Variants in POMZP3 observed in about 807,000 individuals in gnomAD.
POMZP3 encodes the protein POM121 and ZP3 fusion protein.
In POMZP3, 10 loss-of-function variants were observed where a neutral mutation model predicts 19.8. The observed-to-expected ratio is 0.51, with a 90% CI of 0.31 to 0.86. The LOEUF (loss-of-function observed/expected upper bound fraction) is 0.86, where lower values mean the gene tolerates loss of function less well. Ranked by LOEUF, POMZP3 falls within the 40% of genes least tolerant of loss-of-function variation. POMZP3 has a pLI of 0.04. For missense variants in POMZP3, 152 were observed against 228.1 expected (o/e 0.67, Z 2.15); for synonymous variants, 57 against 85.8 (o/e 0.66, Z 1.85).
rs1381756523 is a variant in POMZP3, at chr7:76,610,188, C to CCCCA, written c.*38_*39insTGGG. ...CCTCCTGTCCAGGAAGATCAGTGGC[C>CCCCA]CCACGGTGACATCTGCTTCTTCTGT... On this transcript the variant is annotated 3_prime_UTR_variant, in exon 7 of 7. Transcript: ENST00000310842. The CCCCA allele has an allele frequency of 1.2e-6, 2 of 1,612,356 alleles. No individual in the cohort carries two copies.
At chr7:76,623,819 A>G (rs1392435181) in intron 3 of POMZP3, among the ~76,000 whole-genome samples, 2 of 151,932 alleles carry the variant, frequency 1.3e-5, no homozygotes, top group African/African-American at 2.4e-5. Flanking sequence ...AAAGAAAGAG[A>G]GAGAGAGAGA....
In POMZP3 at chr7:76,626,821, G is replaced by A. The variant is rs1345396792; in HGVS notation, c.-265C>T. ...GTGTGGAGCGCGGCGCCGGGCGGGCGGGCGGCGGCCAGGCCTATTCCGCAG... is the reference window on the plus strand; with the variant it reads ...GTGTGGAGCGCGGCGCCGGGCGGGCAGGCGGCGGCCAGGCCTATTCCGCAG... On this transcript the variant is annotated 5_prime_UTR_variant, in exon 1 of 7. Transcript: ENST00000310842. 7.7e-7 allele frequency: 1 copy of A among 1,302,072 alleles called. No homozygotes were observed. The highest frequency in any genetic ancestry group is 9.8e-7 in the Non-Finnish European group (1 of 1,025,586). 80.7% of individuals were successfully genotyped at this position (1,302,072 alleles called of 1,614,324 possible).
At chr7:76,611,202 C>T (rs1815078048) in intron 6 of POMZP3, among the ~76,000 whole-genome samples, 1 of 151,132 alleles carries the variant, frequency 6.6e-6, no homozygotes. Context: ...CTATATTTCC[C>T]CTACATGCCT....
Position 76,626,102 on chromosome 7 carries a change from T to A in POMZP3, c.-38A>T. 1.2e-6 allele frequency: 2 copies of A among 1,613,738 alleles called. No individual in the cohort carries two copies. The highest frequency in any genetic ancestry group is 1.7e-6 in the Non-Finnish European group (2 of 1,179,726). On this transcript the variant is annotated 5_prime_UTR_variant, in exon 2 of 7. Transcript: ENST00000310842. ...AGGGGACAGCACAGCCTTCTTGTGA[T>A]AACCATTCCAGCACACTGTGGGAAG...
intron 4 of POMZP3, among the ~76,000 whole-genome samples, chr7:76,617,702 G>T (rs62475932): frequency 9.5e-6 from 1 of 105,000 alleles, no homozygotes; most frequent in Non-Finnish European, 1.9e-5. Flanking sequence ...TTTTTTTTTG[G>T]AGATGGAGTC....
chr7:76,620,448 G>A (rs1054994244), intron 3 of POMZP3, among the ~76,000 whole-genome samples: 2 of 149,050 alleles, frequency 1.3e-5, no homozygotes, highest in Admixed American at 6.7e-5. Context: ...TTGCCACAAG[G>A]GAACCAGTGA....
At chr7:76,625,707 G>A in intron 2 of POMZP3, 24 bp from the exon 3 acceptor site, 1 of 1,607,184 alleles carries the variant, frequency 6.2e-7, no homozygotes, top group South Asian at 1.1e-5. Flanking sequence ...CAGGATTCTA[G>A]CAGTAAGATA....
At chr7:76,621,765 C>A (rs182240003) in intron 3 of POMZP3, among the ~76,000 whole-genome samples, 1 of 151,602 alleles carries the variant, frequency 6.6e-6, no homozygotes. Context: ...ACGGTGAAAT[C>A]CCATCTCTAC....
intron 1 of POMZP3, 84 bp from the exon 2 acceptor site, chr7:76,626,299 A>G: frequency 2.3e-6 from 3 of 1,293,412 alleles, no homozygotes; most frequent in Non-Finnish European, 3.2e-6. Flanking sequence ...ACCAGTTAAG[A>G]CATTTTCCAA....
chr7:76,624,530 C>G (rs1320715129), intron 3 of POMZP3, among the ~76,000 whole-genome samples: 6 of 151,878 alleles, frequency 4.0e-5, no homozygotes, highest in Non-Finnish European at 8.8e-5. Flanking sequence ...GCTGCAACCT[C>G]CGCCTCCTGG....
rs1167867923 is a variant in POMZP3, at chr7:76,612,867, C to G, written c.346-1054G>C. Among the ~76,000 whole-genome samples the G allele has an allele frequency of 2.7e-5, 2 of 74,892 alleles. 1 individual carries two copies. Among genetic ancestry groups the G allele is most frequent in the Non-Finnish European group, 5.0e-5 (2 of 39,814 alleles). 49.1% of individuals were successfully genotyped at this position (74,892 alleles called of 152,430 possible). On this transcript the variant is annotated intron_variant, in intron 4 of 6. Transcript: ENST00000310842. ...GAGGTCCTTGGGCACATAAAGAAGC[C>G]TTTTGGACTTGCTTCTGTGGAGTTT...
At chr7:76,615,751 A>G in intron 4 of POMZP3, 1 of 83,880 alleles carries the variant, frequency 1.2e-5, no homozygotes, top group Non-Finnish European at 2.3e-5. Flanking sequence ...TTGGGAGGCC[A>G]AGGCAGGTGG....
At position 76,625,501 on chromosome 7, in the gene POMZP3, G is replaced by C. The variant is rs539888986; in HGVS notation, c.227+21C>G. ...GGAGTCCAAGCGGGAAACTGGCTTA[G>C]TACTCTCCTGAGCCTGTTACCTTCT... On this transcript the variant is annotated intron_variant, in intron 3 of 6. Coordinates refer to ENST00000310842, the MANE Select transcript of POMZP3 (RefSeq NM_012230.5). 1.6e-5 allele frequency: 25 copies of C among 1,611,354 alleles called. 1 individual carries two copies. The East Asian group carries it at 4.9e-4, about 32-fold the overall frequency.
intron 3 of POMZP3, chr7:76,621,324 T>C (rs1815547016): frequency 6.7e-6 from 1 of 148,904 alleles, no homozygotes; most frequent in Non-Finnish European, 1.5e-5. Flanking sequence ...GCATTGATGC[T>C]GGAACCCAGT....
chr7:76,610,323 G>T, intron 6 of POMZP3, 108 bp from the exon 7 acceptor site: 1 of 1,132,374 alleles, frequency 8.8e-7, no homozygotes, highest in East Asian at 2.4e-5. Flanking sequence ...TGTCTTTTTT[G>T]TGTGGGCTAA....
chr7:76,619,318 G>A lies in POMZP3; in HGVS notation c.228-1018C>T, dbSNP rs143762802. ...GAGGAGAATCTCCTCAATCCAGGGG[G>A]CAGAGGTTGCAGTGAGCCGAGATCG... is the stretch of plus-strand genomic sequence containing the variant. On this transcript the variant is annotated intron_variant, in intron 3 of 6. Coordinates refer to ENST00000310842, the MANE Select transcript of POMZP3 (RefSeq NM_012230.5). Among the ~76,000 whole-genome samples, 1,964 of 152,246 alleles carry A rather than the reference G, an allele frequency of 0.013. 95 individuals carry two copies. In the East Asian group the frequency reaches 0.14, roughly 11 times the overall value.
rs552881167 is a variant in POMZP3, at chr7:76,621,549, T to C, written c.228-3249A>G. Among the ~76,000 whole-genome samples the C allele has an allele frequency of 2.6e-4, 39 of 151,804 alleles. No homozygotes were observed. The East Asian group carries it at 7.4e-3, about 29-fold the overall frequency. ...CTGGATAAAATGAGGCTGAGACCTA[T>C]TGGGCTGCATTCCCAGATGGTTAAG... On this transcript the variant is annotated intron_variant, in intron 3 of 6. Transcript: ENST00000310842.
Position 76,624,183 on chromosome 7 carries a change from G to A in POMZP3, c.227+1339C>T, listed in dbSNP as rs542738641. On this transcript the variant is annotated intron_variant, in intron 3 of 6. Transcript: ENST00000310842. Reference sequence around the variant, plus strand: ...ATCAAAGATTTAAGGAAGTGTAGAAGTTGTGGAAGATTAATCTCATGAAAG... The same window carrying A: ...ATCAAAGATTTAAGGAAGTGTAGAAATTGTGGAAGATTAATCTCATGAAAG... Among the ~76,000 whole-genome samples, 49 of 133,384 alleles carry A rather than the reference G, an allele frequency of 3.7e-4. 1 individual carries two copies. Among genetic ancestry groups the A allele is most frequent in the Middle Eastern group, 3.6e-3 (1 of 276 alleles). The allele number at this position is 133,384 out of a possible 152,430, so 87.5% of individuals were successfully genotyped here.
intron 3 of POMZP3, among the ~76,000 whole-genome samples, chr7:76,624,365 A>G (rs1448301360): frequency 6.6e-6 from 1 of 151,812 alleles, no homozygotes; most frequent in East Asian, 2.0e-4. Flanking sequence ...CCTGCTCAAC[A>G]TGGCGAAACC....
Sources: allele counts gnomAD v4.1 joint callset (sites outside exome capture counted in the v4.1 genomes callset), GRCh38; gene constraint gnomAD v4.1.1; transcripts MANE v1.5; gene names NCBI Gene and HGNC (gene_info 2026-07-23, HGNC 2026-07-21).